Variants in WWOX observed in about 807,000 individuals in gnomAD.
The protein encoded by WWOX is WW domain containing oxidoreductase.
A neutral mutation model predicts 46.2 loss-of-function variants in WWOX; 69 were observed. That is an observed-to-expected ratio of 1.49 (90% confidence interval 1.23 to 1.82). The LOEUF is 1.82. Among genes scored for constraint, WWOX ranks in the 40% most tolerant of loss-of-function variants. The pLI is 0.00. For missense variants in WWOX, 919 were observed against 542.6 expected, an observed-to-expected ratio of 1.69 and a Z score of -6.89; for synonymous variants, 359 against 202.6, an observed-to-expected ratio of 1.77 and a Z score of -6.56.
At chr16:78,177,349 A>G (rs962526493) in intron 5 of WWOX, among the ~76,000 whole-genome samples, 6 of 152,166 alleles carry the variant, frequency 3.9e-5, no homozygotes, top group African/African-American at 1.2e-4. Flanking sequence ...GATAGTCTAG[A>G]AGGATTTTGC....
chr16:78,578,284 A>ATATATATATATATATATTT (rs1555567122), intron 8 of WWOX, among the ~76,000 whole-genome samples: 1 of 20,838 alleles, frequency 4.8e-5, no homozygotes, highest in Non-Finnish European at 8.1e-5. Context: ...ATATATATAT[A>ATATATATATATATATATTT]TTTTTTTTTT....
chr16:79,064,863 A>AAG lies in WWOX; in HGVS notation c.1057-146739_1057-146738dup, dbSNP rs1204264009. 7.9e-5 allele frequency among the ~76,000 whole-genome samples: 12 copies of AAG among 152,292 alleles called. 1 individual carries two copies. Among genetic ancestry groups the AAG allele is most frequent in the African/African-American group, 2.9e-4 (12 of 41,560 alleles). Reference sequence around the variant, plus strand: ...GAATGGCATTCTAATGTTGTGTTGGAAGAGAGACAAGAATGTGCTGGGAGG... The same window carrying AAG: ...GAATGGCATTCTAATGTTGTGTTGGAAGAGAGAGACAAGAATGTGCTGGGAGG... On this transcript the variant is annotated intron_variant, in intron 8 of 8. Transcript: ENST00000566780.
At chr16:78,857,475 C>G (rs989929301) in intron 8 of WWOX, among the ~76,000 whole-genome samples, 2 of 152,210 alleles carry the variant, frequency 1.3e-5, no homozygotes, top group African/African-American at 4.8e-5. Flanking sequence ...AGCCTCATTC[C>G]TGATAAATTG....
At chr16:79,004,755 T>A (rs568306025) in intron 8 of WWOX, 1 of 152,326 alleles carries the variant, frequency 6.6e-6, no homozygotes, top group South Asian at 2.1e-4. Context: ...TGTGTATGCT[T>A]TATTTTATAT....
At chr16:79,008,900 C>G (rs1048543433) in intron 8 of WWOX, among the ~76,000 whole-genome samples, 9 of 152,220 alleles carry the variant, frequency 5.9e-5, no homozygotes, top group Non-Finnish European at 1.0e-4. Flanking sequence ...AGCGCACACA[C>G]ACAAAGGCGA....
chr16:78,818,332 C>G (rs982614641), intron 8 of WWOX, among the ~76,000 whole-genome samples: 5 of 152,218 alleles, frequency 3.3e-5, no homozygotes, highest in African/African-American at 7.2e-5. Context: ...ATCACCCTCT[C>G]CAGCACACAC....
chr16:78,831,032 G>C (rs1013409087), intron 8 of WWOX, among the ~76,000 whole-genome samples: 12 of 152,174 alleles, frequency 7.9e-5, no homozygotes, highest in Non-Finnish European at 1.5e-4. Context: ...TGGAAGGGGA[G>C]GGCAGAATGT....
chr16:78,532,254 T>C (rs772892004), intron 8 of WWOX, among the ~76,000 whole-genome samples: 2 of 152,094 alleles, frequency 1.3e-5, no homozygotes, highest in Non-Finnish European at 2.9e-5. Context: ...ACTTGCAAAA[T>C]GTATTTTTGA....
intron 8 of WWOX, among the ~76,000 whole-genome samples, chr16:79,000,253 C>T (rs749692550): frequency 2.6e-5 from 4 of 152,164 alleles, no homozygotes; most frequent in Non-Finnish European, 5.9e-5. Context: ...GCAAATTCTC[C>T]TCCTTCCTTT....
intron 8 of WWOX, among the ~76,000 whole-genome samples, chr16:78,717,467 G>A (rs117425455): frequency 0.013 from 1,962 of 152,282 alleles, 21 homozygotes; most frequent in South Asian, 0.036. Flanking sequence ...GTGGTGCTTG[G>A]CTTTTGGTAG....
intron 8 of WWOX, among the ~76,000 whole-genome samples, chr16:78,564,397 C>T (rs1006152857): frequency 6.6e-6 from 1 of 152,146 alleles, no homozygotes; most frequent in Non-Finnish European, 1.5e-5. Context: ...CTAGTGTTTT[C>T]TGTCTCAGGA....
intron 8 of WWOX, among the ~76,000 whole-genome samples, chr16:78,538,429 G>A (rs1318480440): frequency 1.3e-5 from 2 of 152,134 alleles, no homozygotes; most frequent in Non-Finnish European, 2.9e-5. Context: ...GAGGCCTGGT[G>A]TATGCACTTC....
intron 8 of WWOX, among the ~76,000 whole-genome samples, chr16:78,629,450 G>A (rs2046379068): frequency 6.6e-6 from 1 of 152,140 alleles, no homozygotes; most frequent in African/African-American, 2.4e-5. Flanking sequence ...GGCAGAAGCT[G>A]GAGTCATTTC....
intron 8 of WWOX, among the ~76,000 whole-genome samples, chr16:78,817,250 C>G (rs1017388757): frequency 4.5e-5 from 6 of 133,298 alleles, no homozygotes; most frequent in Non-Finnish European, 6.2e-5. Flanking sequence ...GCTTAGCCAA[C>G]TGCAGTTTCA....
chr16:78,788,557 C>A (rs1378529808), intron 8 of WWOX, among the ~76,000 whole-genome samples: 1 of 152,184 alleles, frequency 6.6e-6, no homozygotes, highest in Non-Finnish European at 1.5e-5. Flanking sequence ...AAGGAGGTTC[C>A]TGGAGCGTGG....
chr16:78,706,339 C>G (rs538269884), intron 8 of WWOX, among the ~76,000 whole-genome samples: 1 of 152,196 alleles, frequency 6.6e-6, no homozygotes, highest in African/African-American at 2.4e-5. Context: ...CAGGCTAAAG[C>G]ACCCTTGCCA....
chr16:78,687,345 T>C (rs1200779196), intron 8 of WWOX, among the ~76,000 whole-genome samples: 2 of 152,200 alleles, frequency 1.3e-5, no homozygotes, highest in African/African-American at 2.4e-5. Flanking sequence ...ATTGTACCTA[T>C]CGAAAGAAGA....
chr16:79,110,141 T>C (rs2049389484), intron 8 of WWOX, among the ~76,000 whole-genome samples: 1 of 152,196 alleles, frequency 6.6e-6, no homozygotes, highest in African/African-American at 2.4e-5. Context: ...CTCCTATGGC[T>C]GTTTGGGGGC....
At chr16:78,758,873 T>C (rs973668219) in intron 8 of WWOX, among the ~76,000 whole-genome samples, 4 of 151,840 alleles carry the variant, frequency 2.6e-5, no homozygotes, top group Admixed American at 2.6e-4. Flanking sequence ...TGTTCAAGAT[T>C]TGGAAGAGAA....
Sources: allele counts gnomAD v4.1 joint callset (sites outside exome capture counted in the v4.1 genomes callset), GRCh38; gene constraint gnomAD v4.1.1; transcripts MANE v1.5; gene names NCBI Gene and HGNC (gene_info 2026-07-23, HGNC 2026-07-21).